CDH4: variants seen among roughly 807,000 people sequenced by gnomAD.
CDH4 encodes the protein cadherin-4.
CDH4 carries 33 observed loss-of-function variants against 86.0 expected under a neutral mutation model. The observed-to-expected ratio is 0.38, with a 90% CI of 0.29 to 0.51. The LOEUF (loss-of-function observed/expected upper bound fraction) is 0.51. Among genes scored for constraint, CDH4 ranks in the 20% least tolerant of loss-of-function variants. The probability of loss-of-function intolerance (pLI) is 0.86; values close to 1 mark genes in which losing one functional copy is unlikely to be tolerated. For missense variants in CDH4, 1,114 were observed against 1,307.4 expected (o/e 0.85, Z 2.28); for synonymous variants, 555 against 549.4 (o/e 1.01, Z -0.14).
chr20:61,794,599 A>G (rs576858524), intron 4 of CDH4, among the ~76,000 whole-genome samples: 1 of 152,362 alleles, frequency 6.6e-6, no homozygotes, highest in African/African-American at 2.4e-5. Context: ...CCCTGAAATG[A>G]TAACATCAGG....
chr20:61,477,432 A>G (rs1445513917), intron 2 of CDH4, among the ~76,000 whole-genome samples: 4 of 152,348 alleles, frequency 2.6e-5, no homozygotes, highest in Non-Finnish European at 5.9e-5. Flanking sequence ...GTGCCCGTGT[A>G]CAGGGAGCAG....
intron 3 of CDH4, among the ~76,000 whole-genome samples, chr20:61,763,208 T>C (rs1353297107): frequency 2.0e-5 from 3 of 152,132 alleles, no homozygotes; most frequent in Non-Finnish European, 4.4e-5. Context: ...ATTTCCATGT[T>C]TTTGCCATCT....
At chr20:61,808,557 G>T (rs978489824) in intron 4 of CDH4, among the ~76,000 whole-genome samples, 1 of 152,122 alleles carries the variant, frequency 6.6e-6, no homozygotes, top group Non-Finnish European at 1.5e-5. Flanking sequence ...ATCTTGCTAC[G>T]TTTCGGAACA....
intron 3 of CDH4, among the ~76,000 whole-genome samples, chr20:61,763,958 G>T (rs1211791839): frequency 6.6e-6 from 1 of 152,156 alleles, no homozygotes; most frequent in Admixed American, 6.5e-5. Flanking sequence ...ATCATGTAAA[G>T]CCTGCCCCAG....
intron 13 of CDH4, among the ~76,000 whole-genome samples, chr20:61,930,393 C>T (rs182239139): frequency 6.6e-4 from 100 of 152,122 alleles, no homozygotes; most frequent in African/African-American, 2.3e-3. Context: ...TGAGGGCTGG[C>T]GGGGGGGCGG....
intron 2 of CDH4, among the ~76,000 whole-genome samples, chr20:61,674,362 G>T (rs2087424227): frequency 6.6e-6 from 1 of 152,242 alleles, no homozygotes; most frequent in African/African-American, 2.4e-5. Context: ...CAGGGCCCTT[G>T]TGGAAGCAGC....
At chr20:61,388,506 C>G (rs182234108) in intron 2 of CDH4, among the ~76,000 whole-genome samples, 3 of 152,304 alleles carry the variant, frequency 2.0e-5, no homozygotes, top group African/African-American at 7.2e-5. Context: ...GACCCTTCTC[C>G]GATTTGCATC....
intron 2 of CDH4, among the ~76,000 whole-genome samples, chr20:61,449,134 T>C (rs1267121198): frequency 2.0e-5 from 3 of 152,210 alleles, no homozygotes; most frequent in Middle Eastern, 6.8e-3. Flanking sequence ...GGTGAGGGTG[T>C]TCAGGCTTCA....
chr20:61,381,064 G>T (rs1401292653), intron 2 of CDH4, among the ~76,000 whole-genome samples: 5 of 152,214 alleles, frequency 3.3e-5, no homozygotes, highest in Non-Finnish European at 7.3e-5. Flanking sequence ...TGCAAGGGAA[G>T]GTTATCTGGT....
intron 2 of CDH4, among the ~76,000 whole-genome samples, chr20:61,440,956 G>A (rs1228198299): frequency 6.6e-6 from 1 of 152,224 alleles, no homozygotes; most frequent in Non-Finnish European, 1.5e-5. Context: ...TCAGAAAAGT[G>A]TCAAAACAGT....
At chr20:61,329,441 T>TTGCCTCGTGGGTCTGGGAC (rs35019609) in intron 2 of CDH4, among the ~76,000 whole-genome samples, 3 of 32,716 alleles carry the variant, frequency 9.2e-5, no homozygotes, top group African/African-American at 1.8e-4. Flanking sequence ...GTCCTCATGG[T>TTGCCTCGTGGGTCTGGGAC]CCCCCGTGGG....
chr20:61,331,628 CT>C, intron 2 of CDH4, among the ~76,000 whole-genome samples: 1 of 144,250 alleles, frequency 6.9e-6, no homozygotes, highest in Non-Finnish European at 1.6e-5. Context: ...GGCCCACCTC[CT>C]GCCCCAGACC....
intron 4 of CDH4, among the ~76,000 whole-genome samples, chr20:61,822,006 T>G (rs1312472716): frequency 6.6e-6 from 1 of 152,270 alleles, no homozygotes; most frequent in Admixed American, 6.5e-5. Flanking sequence ...CAGCGAGTGA[T>G]GGGTCTGAAA....
At chr20:61,594,483 A>G (rs2086541400) in intron 2 of CDH4, among the ~76,000 whole-genome samples, 1 of 152,186 alleles carries the variant, frequency 6.6e-6, no homozygotes, top group South Asian at 2.1e-4. Flanking sequence ...GTGTCCCCTC[A>G]ACGTCAACAG....
At chr20:61,572,422 A>C (rs1012766730) in intron 2 of CDH4, among the ~76,000 whole-genome samples, 3 of 152,222 alleles carry the variant, frequency 2.0e-5, no homozygotes, top group African/African-American at 7.2e-5. Context: ...GCCTGGATTC[A>C]AAGAAGGGCT....
chr20:61,625,135 C>T (rs2145779803), intron 2 of CDH4, among the ~76,000 whole-genome samples: 1 of 152,232 alleles, frequency 6.6e-6, no homozygotes, highest in South Asian at 2.1e-4. Context: ...TAAGAATCCC[C>T]ACAAAACTCA....
At chr20:61,901,673 C>T (rs1277071851) in intron 8 of CDH4, among the ~76,000 whole-genome samples, 1 of 152,278 alleles carries the variant, frequency 6.6e-6, no homozygotes, top group Non-Finnish European at 1.5e-5. Context: ...AGAAGCAGCA[C>T]CCAACGCCGG....
At chr20:61,398,417 C>T (rs1206460123) in intron 2 of CDH4, among the ~76,000 whole-genome samples, 2 of 152,224 alleles carry the variant, frequency 1.3e-5, no homozygotes, top group Non-Finnish European at 2.9e-5. Context: ...GCAGAATCAT[C>T]GGATGTGTAT....
chr20:61,831,257 A>G (rs11697078), intron 4 of CDH4, among the ~76,000 whole-genome samples: 66,948 of 152,162 alleles, frequency 0.44, 16,784 homozygotes, highest in Non-Finnish European at 0.58. Context: ...TGAAATTTCA[A>G]TTAAAAGGAT....
Sources: allele counts gnomAD v4.1 joint callset (sites outside exome capture counted in the v4.1 genomes callset), GRCh38; gene constraint gnomAD v4.1.1; transcripts MANE v1.5; gene names NCBI Gene and HGNC (gene_info 2026-07-23, HGNC 2026-07-21).